Variants in DTWD1 observed in about 807,000 individuals in gnomAD.
The protein encoded by DTWD1 is tRNA-uridine aminocarboxypropyltransferase 1.
A neutral mutation model predicts 30.2 loss-of-function variants in DTWD1; 27 were observed. The observed-to-expected ratio is 0.90, with a 90% CI of 0.66 to 1.23. The LOEUF is 1.23. DTWD1 is among the 50% of genes most tolerant of loss of function. The pLI, the probability that DTWD1 is intolerant of heterozygous loss-of-function variation, is 0.00. For synonymous variants in DTWD1, 99 were observed against 113.1 expected, an observed-to-expected ratio of 0.88 and a Z score of 0.79; for missense variants, 342 against 348.8, an observed-to-expected ratio of 0.98 and a Z score of 0.15.
rs1308410314 is a variant in DTWD1 at position 49,634,617 on chromosome 15, G to A, written c.490G>A (p.Val164Ile). 7 of 1,613,698 alleles carry A rather than the reference G, an allele frequency of 4.3e-6. No individual in the cohort carries two copies. The East Asian group carries it at 8.9e-5, about 21-fold the overall frequency. ...TCTGCAAAAAAGGATTCAAAATAAT[G>A]TTAGAGGCAAAAATGATGACCCTGA... ...FHLQKRIQNN[V>I]RGKNDDPDKP... Residue 164 changes from valine to isoleucine, a missense_variant, in exon 4 of 5, where the codon GTT (valine) becomes ATT (isoleucine). Transcript: ENST00000403028.
rs1298383718 is a variant in DTWD1, at chr15:49,650,113, G to C, written c.*6535G>C. The stretch of plus-strand genomic sequence containing the variant: ...ATATACACACAAAGGTACTGAGGCA[G>C]CAGTATACTTGGCATGTTTGAGGAA... On this transcript the variant is annotated 3_prime_UTR_variant, in exon 5 of 5. Transcript: ENST00000403028. The C allele has an allele frequency of 1.3e-5, 2 of 152,168 alleles. No individual in the cohort carries two copies. Among genetic ancestry groups the C allele is most frequent in the East Asian group, 3.9e-4 (2 of 5,148 alleles). 9.4% of individuals were successfully genotyped at this position (152,168 alleles called of 1,614,324 possible). A position where few individuals can be genotyped will look rare whatever the true frequency, so the allele number is the denominator to read the frequency against.
Position 49,649,750 on chromosome 15 carries a change from TAAAA to T in DTWD1, c.*6176_*6179del, listed in dbSNP as rs1383974621. 1 of 151,584 alleles carries T rather than the reference TAAAA, an allele frequency of 6.6e-6. No individual in the cohort carries two copies. Among genetic ancestry groups the T allele is most frequent in the African/African-American group, 2.4e-5 (1 of 41,276 alleles). 9.4% of individuals were successfully genotyped at this position (151,584 alleles called of 1,614,324 possible). On this transcript the variant is annotated 3_prime_UTR_variant, in exon 5 of 5. Coordinates refer to ENST00000403028, the MANE Select transcript of DTWD1 (RefSeq NM_001144955.2). ...GAGACTCCGTCTCAAAAAAAATAAA[TAAAA>T]AAATAAAAAGTCAGCAAAGGGAAGT...
intron 4 of DTWD1, 152 bp downstream of exon 4, chr15:49,634,946 G>A: frequency 1.5e-6 from 1 of 646,102 alleles, no homozygotes; most frequent in East Asian, 3.2e-5. Flanking sequence ...ATATATGTGA[G>A]TGTGTATTTA....
chr15:49,625,099 C>CTT lies in DTWD1; in HGVS notation c.-55-6_-55-5dup. 6 of 1,392,314 alleles carry CTT rather than the reference C, an allele frequency of 4.3e-6. No individual in the cohort carries two copies. The highest frequency in any genetic ancestry group is 4.9e-6 in the Non-Finnish European group (5 of 1,021,292). The allele number at this position is 1,392,314 out of a possible 1,614,324, so 86.2% of individuals were successfully genotyped here. ...GTTTTTATTTTTCCTTCTCTTGATA[C>CTT]TTTTTTTTTACAGTGCACCTATGAT... is the stretch of plus-strand genomic sequence containing the variant. On this transcript the variant is annotated splice_polypyrimidine_tract_variant and intron_variant, in intron 1 of 4. Coordinates refer to ENST00000403028, the MANE Select transcript of DTWD1 (RefSeq NM_001144955.2).
At chr15:49,625,522 A>G (rs2078830840) in intron 2 of DTWD1, 91 bp downstream of exon 2, 6 of 1,213,520 alleles carry the variant, frequency 4.9e-6, no homozygotes, top group East Asian at 2.6e-5. Flanking sequence ...AACTTAATAA[A>G]TAATGTTATT....
At chr15:49,632,057 G>T in intron 2 of DTWD1, 102 bp from the exon 3 acceptor site, 1 of 1,012,322 alleles carries the variant, frequency 9.9e-7, no homozygotes. Flanking sequence ...ATATTTATAG[G>T]AGTTTATTGT....
At chr15:49,633,345 T>G (rs1170810111) in intron 3 of DTWD1, among the ~76,000 whole-genome samples, 1 of 151,774 alleles carries the variant, frequency 6.6e-6, no homozygotes, top group Non-Finnish European at 1.5e-5. Context: ...AAATTCAAGG[T>G]TTTTGCTTTT....
chr15:49,621,112 C>G lies in DTWD1; in HGVS notation c.-66C>G, dbSNP rs986127386. The G allele has an allele frequency of 3.3e-5, 5 of 152,378 alleles. No homozygotes were observed. Among genetic ancestry groups the G allele is most frequent in the Non-Finnish European group, 7.3e-5 (5 of 68,226 alleles). 9.4% of individuals were successfully genotyped at this position (152,378 alleles called of 1,614,324 possible). ...ACGTGTGGAGCTGTTCGAGGACTCG[C>G]GGGTGTGCAGGTCTGAGTACCACTC... On this transcript the variant is annotated 5_prime_UTR_variant, in exon 1 of 5. Transcript: ENST00000403028.
chr15:49,630,856 T>C (rs866748318), intron 2 of DTWD1: 3 of 226,868 alleles, frequency 1.3e-5, no homozygotes, highest in South Asian at 9.0e-5. Context: ...CCACCTGAGC[T>C]CTGCCTCCTG....
At position 49,644,893 on chromosome 15, in the gene DTWD1, C is replaced by T. The variant is rs1235476925; in HGVS notation, c.*1315C>T. The T allele has an allele frequency of 2.0e-5, 3 of 152,156 alleles. No individual in the cohort carries two copies. Among genetic ancestry groups the T allele is most frequent in the Non-Finnish European group, 4.4e-5 (3 of 68,038 alleles). 9.4% of individuals were successfully genotyped at this position (152,156 alleles called of 1,614,324 possible). A position where few individuals can be genotyped will look rare whatever the true frequency, so the allele number is the denominator to read the frequency against. ...ACTGTAGTTGTTTTATTACACTCTTCTCAAATGTCCCCACTTGAAATAGCC... is the reference window on the plus strand; with the variant it reads ...ACTGTAGTTGTTTTATTACACTCTTTTCAAATGTCCCCACTTGAAATAGCC... On this transcript the variant is annotated 3_prime_UTR_variant, in exon 5 of 5. Transcript: ENST00000403028.
Position 49,647,328 on chromosome 15 carries a change from T to G in DTWD1, c.*3750T>G, listed in dbSNP as rs978879869. 1.3e-5 allele frequency: 2 copies of G among 152,198 alleles called. No individual in the cohort carries two copies. Among genetic ancestry groups the G allele is most frequent in the African/African-American group, 4.8e-5 (2 of 41,456 alleles). 9.4% of individuals were successfully genotyped at this position (152,198 alleles called of 1,614,324 possible). ...CTTTGTACTAGGCTGTTTTTAATGA[T>G]CACATTTTATTTGATGAGAAACAAT... is the stretch of plus-strand genomic sequence containing the variant. On this transcript the variant is annotated 3_prime_UTR_variant, in exon 5 of 5. Transcript: ENST00000403028.
rs2078977471 is a variant in DTWD1 at position 49,634,695 on chromosome 15, A to C, written c.568A>C (p.Asn190His). 1 of 1,613,730 alleles carries C rather than the reference A, an allele frequency of 6.2e-7. No individual in the cohort carries two copies. Among genetic ancestry groups the C allele is most frequent in the Non-Finnish European group, 8.5e-7 (1 of 1,179,792 alleles). Residue 190 changes from asparagine (N) to histidine (H), a missense_variant, in exon 4 of 5, where the codon AAT becomes CAT. Coordinates refer to ENST00000403028, the MANE Select transcript of DTWD1 (RefSeq NM_001144955.2). The part of the protein sequence containing the change: ...RTEEQEFCDL[N>H]DSKCKGTTLK... ...TGAAGAACAAGAGTTCTGTGATTTGAATGACAGCAAGTGCAAAGGCACAAC... is the reference window on the plus strand; with the variant it reads ...TGAAGAACAAGAGTTCTGTGATTTGCATGACAGCAAGTGCAAAGGCACAAC...
Position 49,643,765 on chromosome 15 carries a change from T to G in DTWD1, c.*187T>G, listed in dbSNP as rs752454714. On this transcript the variant is annotated 3_prime_UTR_variant, in exon 5 of 5. Transcript: ENST00000403028. ...ATCTGGGGGAATTTTTCAGAGATAC[T>G]GTTGATTGAAAAACTTACTTCAGAA... 1.1e-5 allele frequency: 6 copies of G among 561,402 alleles called. No homozygotes were observed. Among genetic ancestry groups the G allele is most frequent in the Non-Finnish European group, 1.6e-5 (6 of 366,588 alleles). 34.8% of individuals were successfully genotyped at this position (561,402 alleles called of 1,614,324 possible).
Position 49,655,280 on chromosome 15 carries a change from G to A in DTWD1, c.*11702G>A, listed in dbSNP as rs908961872. ...CACAGAAATGAGAAATTTTAAAATG[G>A]TTGATTTAGGTAATTAAGTTTTGGG... is the stretch of plus-strand genomic sequence containing the variant. On this transcript the variant is annotated 3_prime_UTR_variant, in exon 5 of 5. Transcript: ENST00000403028. 6.6e-6 allele frequency: 1 copy of A among 152,044 alleles called. No individual in the cohort carries two copies. The highest frequency in any genetic ancestry group is 1.5e-5 in the Non-Finnish European group (1 of 67,988). 9.4% of individuals were successfully genotyped at this position (152,044 alleles called of 1,614,324 possible). A position where few individuals can be genotyped will look rare whatever the true frequency, so the allele number is the denominator to read the frequency against.
At chr15:49,632,742 G>T (rs1042032934) in intron 3 of DTWD1, among the ~76,000 whole-genome samples, 1 of 152,136 alleles carries the variant, frequency 6.6e-6, no homozygotes, top group African/African-American at 2.4e-5. Context: ...TTAGTGCATA[G>T]CCTTTATAAC....
intron 3 of DTWD1, among the ~76,000 whole-genome samples, chr15:49,632,534 ATTTC>A (rs1161626399): frequency 6.6e-6 from 1 of 152,096 alleles, no homozygotes; most frequent in Non-Finnish European, 1.5e-5. Flanking sequence ...CTTCTGCCTT[ATTTC>A]TTCAGGTTTT....
chr15:49,633,263 T>A (rs898835739), intron 3 of DTWD1, among the ~76,000 whole-genome samples: 1 of 151,962 alleles, frequency 6.6e-6, no homozygotes, highest in African/African-American at 2.4e-5. Flanking sequence ...TGGACTTTGC[T>A]AACTGGATAT....
chr15:49,639,978 TAC>T (rs560408520), intron 4 of DTWD1, among the ~76,000 whole-genome samples: 146 of 152,100 alleles, frequency 9.6e-4, no homozygotes, highest in African/African-American at 3.5e-3. Flanking sequence ...AAATAATATA[TAC>T]ACACACACAC....
In DTWD1 at chr15:49,654,681, AT is replaced by A. The variant is rs975869460; in HGVS notation, c.*11105del. On this transcript the variant is annotated 3_prime_UTR_variant, in exon 5 of 5. Coordinates refer to ENST00000403028, the MANE Select transcript of DTWD1 (RefSeq NM_001144955.2). ...GACTTTTTTTCTTTAAAAAAATGAG[AT>A]TGTGGAACCTGAAAATACAGTGTAG... 2 of 151,944 alleles carry A rather than the reference AT, an allele frequency of 1.3e-5. No individual in the cohort carries two copies. Among genetic ancestry groups the A allele is most frequent in the African/African-American group, 4.8e-5 (2 of 41,382 alleles). The allele number at this position is 151,944 out of a possible 1,614,324, so 9.4% of individuals were successfully genotyped here.
Sources: allele counts gnomAD v4.1 joint callset (sites outside exome capture counted in the v4.1 genomes callset), GRCh38; gene constraint gnomAD v4.1.1; transcripts MANE v1.5; gene names NCBI Gene and HGNC (gene_info 2026-07-23, HGNC 2026-07-21).